PCDH9: variants seen among roughly 807,000 people sequenced by gnomAD.
The protein encoded by PCDH9 is protocadherin 9.
PCDH9 carries 24 observed loss-of-function variants against 70.6 expected under a neutral mutation model. The observed-to-expected ratio is 0.34, with a 90% confidence interval of 0.25 to 0.48. The LOEUF is 0.48. Among genes scored for constraint, PCDH9 ranks in the 20% least tolerant of loss-of-function variants. PCDH9 has a pLI of 0.99. For synonymous variants in PCDH9, 562 were observed against 558.5 expected (o/e 1.01, Z -0.09); for missense variants, 1,281 against 1,503.6 (o/e 0.85, Z 2.45).
At chr13:66,544,321 A>G (rs976767220) in intron 4 of PCDH9, among the ~76,000 whole-genome samples, 1 of 152,132 alleles carries the variant, frequency 6.6e-6, no homozygotes, top group South Asian at 2.1e-4. Context: ...GACATGCCTG[A>G]CTCTTATATG....
rs2084194468 is a variant in PCDH9 at position 66,999,501 on chromosome 13, G to T, written c.3037-95896C>A. The stretch of plus-strand genomic sequence containing the variant: ...AAGTTTTTAGTTTAATTAAACTAAA[G>T]AGCTTCTGCACAGCAAAAGAAACTA... On this transcript the variant is annotated intron_variant, in intron 2 of 4. Coordinates refer to ENST00000377865, the MANE Select transcript of PCDH9 (RefSeq NM_203487.3). Among the ~76,000 whole-genome samples the T allele has an allele frequency of 5.3e-5, 8 of 152,016 alleles. 1 individual carries two copies. In the South Asian group the frequency reaches 1.7e-3, roughly 32 times the overall value.
intron 3 of PCDH9, among the ~76,000 whole-genome samples, chr13:66,768,287 T>A (rs369099502): frequency 2.6e-5 from 4 of 152,068 alleles, no homozygotes; most frequent in African/African-American, 9.7e-5. Flanking sequence ...TTATAACTCA[T>A]ATGATTAGCC....
chr13:66,533,007 G>A (rs187349813), intron 4 of PCDH9, among the ~76,000 whole-genome samples: 15 of 152,220 alleles, frequency 9.9e-5, no homozygotes, highest in Admixed American at 2.6e-4. Context: ...GTCACCTTAC[G>A]GTCTTAGCAA....
At position 67,228,390 on chromosome 13, in the gene PCDH9, C is replaced by G; in HGVS notation, c.51G>C (p.Arg17Ser). 6.2e-7 allele frequency: 1 copy of G among 1,609,302 alleles called. No homozygotes were observed. The highest frequency in any genetic ancestry group is 2.2e-5 in the East Asian group (1 of 44,848). ...GTTCTTGAGCTATTGCGGAATCCAG[C>G]CTTAAACAGGCAATCAGAGCAGCCA... ...YLLAALIACL[R>S]LDSAIAQELI... Residue 17 changes from arginine (R) to serine (S), a missense_variant, in exon 2 of 5, where the codon AGG becomes AGC. Coordinates refer to ENST00000377865, the MANE Select transcript of PCDH9 (RefSeq NM_203487.3).
chr13:66,770,930 A>G (rs2079797704), intron 3 of PCDH9, among the ~76,000 whole-genome samples: 1 of 152,222 alleles, frequency 6.6e-6, no homozygotes, highest in African/African-American at 2.4e-5. Flanking sequence ...GCTGCTTCTC[A>G]TCACTCCAGG....
At chr13:66,947,433 C>T (rs182557633) in intron 2 of PCDH9, among the ~76,000 whole-genome samples, 1 of 151,594 alleles carries the variant, frequency 6.6e-6, no homozygotes. Context: ...CAAAAAATAC[C>T]CCTTATTATG....
At chr13:66,784,091 T>C (rs186611641) in intron 3 of PCDH9, among the ~76,000 whole-genome samples, 20 of 152,286 alleles carry the variant, frequency 1.3e-4, no homozygotes, top group African/African-American at 4.6e-4. Context: ...TAGAAATTTA[T>C]CACAAATATG....
chr13:66,771,796 T>A (rs2079811902), intron 3 of PCDH9, among the ~76,000 whole-genome samples: 1 of 152,178 alleles, frequency 6.6e-6, no homozygotes, highest in Admixed American at 6.5e-5. Context: ...ACTTATAAAA[T>A]TTTCCCCATG....
intron 1 of PCDH9, among the ~76,000 whole-genome samples, chr13:67,229,461 A>G (rs1006592181): frequency 6.6e-6 from 1 of 152,222 alleles, no homozygotes; most frequent in African/African-American, 2.4e-5. Context: ...TTTGCCACAC[A>G]TAAATACTGC....
At chr13:66,437,768 T>C (rs1957899670) in intron 4 of PCDH9, among the ~76,000 whole-genome samples, 1 of 152,058 alleles carries the variant, frequency 6.6e-6, no homozygotes, top group South Asian at 2.1e-4. Flanking sequence ...AAAATGCATG[T>C]CTTATGCCCC....
At chr13:66,985,262 G>C (rs1013762498) in intron 2 of PCDH9, among the ~76,000 whole-genome samples, 5 of 151,880 alleles carry the variant, frequency 3.3e-5, no homozygotes, top group African/African-American at 1.2e-4. Context: ...TCAATCCCTG[G>C]CAATAAATCC....
intron 4 of PCDH9, among the ~76,000 whole-genome samples, chr13:66,326,111 A>G (rs1050099266): frequency 2.0e-5 from 3 of 152,122 alleles, no homozygotes; most frequent in Admixed American, 2.0e-4. Flanking sequence ...CATTTTTAGT[A>G]GTCTGCTCTA....
chr13:67,208,799 T>C (rs557818631), intron 2 of PCDH9: 2 of 152,150 alleles, frequency 1.3e-5, no homozygotes, highest in South Asian at 2.1e-4. Context: ...GGAATATCCA[T>C]AGAAAAAAGC....
intron 3 of PCDH9, among the ~76,000 whole-genome samples, chr13:66,802,534 T>C (rs1428862095): frequency 6.6e-6 from 1 of 152,084 alleles, no homozygotes; most frequent in Non-Finnish European, 1.5e-5. Flanking sequence ...CTTATTCAAC[T>C]GAAAAATGTG....
intron 3 of PCDH9, among the ~76,000 whole-genome samples, chr13:66,855,900 T>A (rs1422366200): frequency 6.6e-6 from 1 of 151,918 alleles, no homozygotes; most frequent in African/African-American, 2.4e-5. Flanking sequence ...ATTGAAAGGA[T>A]AAAACCTTAG....
At chr13:66,660,708 A>T (rs1436288043) in intron 3 of PCDH9, among the ~76,000 whole-genome samples, 1 of 152,178 alleles carries the variant, frequency 6.6e-6, no homozygotes, top group Non-Finnish European at 1.5e-5. Flanking sequence ...ACTGAAATCT[A>T]AAACATAATT....
At chr13:66,421,250 C>T (rs1957561798) in intron 4 of PCDH9, among the ~76,000 whole-genome samples, 1 of 152,048 alleles carries the variant, frequency 6.6e-6, no homozygotes, top group African/African-American at 2.4e-5. Context: ...AGTTGGAAAA[C>T]ACACTTCAAG....
chr13:66,323,121 G>A (rs1955783510), intron 4 of PCDH9: 1 of 152,000 alleles, frequency 6.6e-6, no homozygotes. Flanking sequence ...ATTGTGATAT[G>A]TAACATGACT....
At chr13:66,935,010 G>A (rs1474225714) in intron 2 of PCDH9, among the ~76,000 whole-genome samples, 4 of 151,774 alleles carry the variant, frequency 2.6e-5, no homozygotes, top group East Asian at 2.0e-4. Flanking sequence ...GTGAGCCACC[G>A]CGCCCGGCCG....
Sources: gnomAD v4.1 joint callset for allele counts (sites outside exome capture counted in the v4.1 genomes callset) on GRCh38, gnomAD v4.1.1 for gene constraint, MANE v1.5 for transcripts, NCBI Gene and HGNC (gene_info 2026-07-23, HGNC 2026-07-21) for gene names.